Variants in CPA6 observed in about 807,000 individuals in gnomAD.
The protein encoded by CPA6 is carboxypeptidase B.
In CPA6, 58 loss-of-function variants were observed where a neutral mutation model predicts 63.3. That is an observed-to-expected ratio of 0.92 (90% CI 0.74 to 1.14). The LOEUF (loss-of-function observed/expected upper bound fraction) is 1.14. Among genes scored for constraint, CPA6 ranks in the 50% most tolerant of loss-of-function variants. The pLI is 0.00. For synonymous variants in CPA6, 185 were observed against 179.0 expected, an observed-to-expected ratio of 1.03 and a Z score of -0.27; for missense variants, 565 against 526.6, an observed-to-expected ratio of 1.07 and a Z score of -0.71.
At chr8:67,423,773 C>T (rs762185970) in intron 10 of CPA6, among the ~76,000 whole-genome samples, 9 of 152,202 alleles carry the variant, frequency 5.9e-5, no homozygotes, top group South Asian at 2.1e-4. Context: ...TTCCCATTCT[C>T]TTCTCATCTT....
chr8:67,488,849 CTGTT>C (rs1221806802), intron 6 of CPA6, among the ~76,000 whole-genome samples: 19 of 152,278 alleles, frequency 1.2e-4, no homozygotes, highest in East Asian at 7.7e-4. Flanking sequence ...ATTTGGCTCT[CTGTT>C]TGTCTGTTAT....
intron 1 of CPA6, among the ~76,000 whole-genome samples, chr8:67,675,100 C>T (rs746921694): frequency 1.3e-5 from 2 of 152,138 alleles, no homozygotes; most frequent in Non-Finnish European, 2.9e-5. Flanking sequence ...TGATAGGATC[C>T]ATACCCCAAA....
chr8:67,610,601 T>A (rs950677800), intron 2 of CPA6, among the ~76,000 whole-genome samples: 1 of 152,150 alleles, frequency 6.6e-6, no homozygotes, highest in Non-Finnish European at 1.5e-5. Flanking sequence ...ACAGGAGAGA[T>A]GACTGACTTC....
At chr8:67,556,718 A>C (rs1587557072) in intron 2 of CPA6, among the ~76,000 whole-genome samples, 1 of 152,336 alleles carries the variant, frequency 6.6e-6, no homozygotes. Context: ...CCAAACCCCT[A>C]TCTGGACTCA....
At chr8:67,559,062 G>A (rs541382032) in intron 2 of CPA6, among the ~76,000 whole-genome samples, 13 of 152,124 alleles carry the variant, frequency 8.5e-5, no homozygotes, top group Non-Finnish European at 1.8e-4. Context: ...TGAATCAGAG[G>A]GTTGACTATT....
At chr8:67,678,582 T>G (rs1816528913) in intron 1 of CPA6, among the ~76,000 whole-genome samples, 1 of 152,212 alleles carries the variant, frequency 6.6e-6, no homozygotes, top group Admixed American at 6.5e-5. Flanking sequence ...AACACCATCA[T>G]GTATTCAGAG....
At chr8:67,520,707 G>T (rs192034946) in intron 2 of CPA6, among the ~76,000 whole-genome samples, 1 of 152,300 alleles carries the variant, frequency 6.6e-6, no homozygotes, top group Admixed American at 6.5e-5. Context: ...TGAAGGAGAA[G>T]ATTCAGGTTC....
rs146662107 is a variant in CPA6 at position 67,434,037 on chromosome 8, C to T, written c.1041+1G>A. 1 of 1,606,256 alleles carries T rather than the reference C, an allele frequency of 6.2e-7. No individual in the cohort carries two copies. Among genetic ancestry groups the T allele is most frequent in the Admixed American group, 1.7e-5 (1 of 60,026 alleles). ...GTACATGCACAGGGTCAAATACTTA[C>T]CACACATCTAAAATTGGGAATTGTT... On this transcript the variant is annotated splice_donor_variant, in intron 9 of 10. Coordinates refer to ENST00000297770, the MANE Select transcript of CPA6 (RefSeq NM_020361.5). LOFTEE classifies it high-confidence loss of function.
chr8:67,698,543 C>T (rs986327715), intron 1 of CPA6, among the ~76,000 whole-genome samples: 1 of 152,180 alleles, frequency 6.6e-6, no homozygotes, highest in African/African-American at 2.4e-5. Flanking sequence ...CTAAGAAATA[C>T]TCAGTCTGTA....
chr8:67,629,663 G>A (rs1343094538), intron 1 of CPA6, among the ~76,000 whole-genome samples: 1 of 152,152 alleles, frequency 6.6e-6, no homozygotes, highest in Non-Finnish European at 1.5e-5. Flanking sequence ...ATAGATGTTT[G>A]CAAAGCTAAA....
chr8:67,607,151 C>CTCTTCTTCTTCT (rs1814666775), intron 2 of CPA6, among the ~76,000 whole-genome samples: 2 of 107,058 alleles, frequency 1.9e-5, no homozygotes, highest in African/African-American at 7.8e-5. Flanking sequence ...CCTCCCCCCC[C>CTCTTCTTCTTCT]TCCTCTTCTT....
intron 1 of CPA6, among the ~76,000 whole-genome samples, chr8:67,693,688 G>C (rs1816857540): frequency 6.6e-6 from 1 of 152,212 alleles, no homozygotes; most frequent in South Asian, 2.1e-4. Flanking sequence ...CTATGAACAA[G>C]GAGGTGGGTC....
chr8:67,676,712 A>C (rs1274391083), intron 1 of CPA6, among the ~76,000 whole-genome samples: 1 of 152,252 alleles, frequency 6.6e-6, no homozygotes, highest in African/African-American at 2.4e-5. Flanking sequence ...CTTTACCACC[A>C]GAAATAGTAA....
chr8:67,729,261 G>C (rs927743404), intron 1 of CPA6, among the ~76,000 whole-genome samples: 3 of 152,184 alleles, frequency 2.0e-5, no homozygotes, highest in African/African-American at 7.2e-5. Context: ...AAACCTGATA[G>C]AGCTTTGATG....
intron 2 of CPA6, among the ~76,000 whole-genome samples, chr8:67,587,682 G>C (rs1442234513): frequency 6.6e-6 from 1 of 152,142 alleles, no homozygotes; most frequent in Non-Finnish European, 1.5e-5. Flanking sequence ...GCTCCTGTTA[G>C]TGGTCGGGGC....
chr8:67,465,008 A>T (rs940863827), intron 8 of CPA6, among the ~76,000 whole-genome samples: 2 of 152,194 alleles, frequency 1.3e-5, no homozygotes, highest in African/African-American at 4.8e-5. Flanking sequence ...TTTGGGTTCC[A>T]TATGAATTTT....
intron 2 of CPA6, among the ~76,000 whole-genome samples, chr8:67,544,551 A>G (rs1220169133): frequency 1.3e-5 from 2 of 152,208 alleles, no homozygotes; most frequent in Non-Finnish European, 2.9e-5. Context: ...CAGATGTCCC[A>G]TATCCTCGAG....
intron 8 of CPA6, among the ~76,000 whole-genome samples, chr8:67,448,475 AC>A (rs1245486412): frequency 3.3e-5 from 5 of 151,630 alleles, no homozygotes; most frequent in African/African-American, 1.2e-4. Flanking sequence ...TGCTAAAAAT[AC>A]AAAAAATTAG....
intron 1 of CPA6, among the ~76,000 whole-genome samples, chr8:67,687,957 C>A (rs999911213): frequency 2.0e-5 from 3 of 152,058 alleles, no homozygotes; most frequent in African/African-American, 7.3e-5. Flanking sequence ...ATGGCAGTTA[C>A]ATTTATTAAA....
Sources: gnomAD v4.1 joint callset for allele counts (sites outside exome capture counted in the v4.1 genomes callset) on GRCh38, gnomAD v4.1.1 for gene constraint, MANE v1.5 for transcripts, NCBI Gene and HGNC (gene_info 2026-07-23, HGNC 2026-07-21) for gene names.